LHFPL3: variants seen among roughly 807,000 people sequenced by gnomAD.
The protein encoded by LHFPL3 is LHFPL tetraspan subfamily member 3, also known as LHFPL tetraspan subfamily member 3 protein.
In LHFPL3, 5 loss-of-function variants were observed where a neutral mutation model predicts 19.3. The observed-to-expected ratio is 0.26, with a 90% CI of 0.14 to 0.54. The LOEUF is 0.54. Ranked by LOEUF, LHFPL3 falls within the 20% of genes least tolerant of loss-of-function variation. The pLI, the probability that LHFPL3 is intolerant of heterozygous loss-of-function variation, is 0.94. For missense variants in LHFPL3, 249 were observed against 307.4 expected (o/e 0.81, Z 1.42); for synonymous variants, 133 against 126.2 (o/e 1.05, Z -0.36).
intron 1 of LHFPL3, among the ~76,000 whole-genome samples, chr7:104,524,324 G>C (rs1257087592): frequency 6.6e-6 from 1 of 152,126 alleles, no homozygotes; most frequent in Non-Finnish European, 1.5e-5. Flanking sequence ...GTCAAGGAAG[G>C]CCGGGCAAGG....
At chr7:104,569,630 A>G (rs1790189154) in intron 1 of LHFPL3, among the ~76,000 whole-genome samples, 1 of 152,204 alleles carries the variant, frequency 6.6e-6, no homozygotes, top group Non-Finnish European at 1.5e-5. Flanking sequence ...TCTCTTAATA[A>G]AAACAGTTGT....
At chr7:104,381,952 C>A (rs759762403) in intron 1 of LHFPL3, among the ~76,000 whole-genome samples, 29 of 151,416 alleles carry the variant, frequency 1.9e-4, no homozygotes, top group Middle Eastern at 3.4e-3. Context: ...CCTCATTCAT[C>A]ATTTGAATTA....
chr7:104,643,963 T>G (rs1268065762), intron 1 of LHFPL3, among the ~76,000 whole-genome samples: 1 of 152,208 alleles, frequency 6.6e-6, no homozygotes, highest in Non-Finnish European at 1.5e-5. Context: ...GATAAGCTAA[T>G]GTAGTTCAAA....
intron 1 of LHFPL3, among the ~76,000 whole-genome samples, chr7:104,584,545 C>T (rs1054992438): frequency 2.6e-5 from 4 of 151,950 alleles, no homozygotes; most frequent in African/African-American, 9.7e-5. Flanking sequence ...ATACCATTTC[C>T]TAGAAATTAA....
chr7:104,858,976 C>G (rs1480892971), intron 2 of LHFPL3, among the ~76,000 whole-genome samples: 3 of 150,518 alleles, frequency 2.0e-5, no homozygotes, highest in Non-Finnish European at 4.4e-5. Flanking sequence ...AAAAAAAAAT[C>G]TGTTGACAGG....
At chr7:104,679,948 C>G (rs1792664308) in intron 1 of LHFPL3, among the ~76,000 whole-genome samples, 1 of 152,212 alleles carries the variant, frequency 6.6e-6, no homozygotes, top group African/African-American at 2.4e-5. Context: ...TACATTCTCT[C>G]CCTGAGTGAT....
chr7:104,673,564 T>G (rs576725321), intron 1 of LHFPL3, among the ~76,000 whole-genome samples: 1 of 152,350 alleles, frequency 6.6e-6, no homozygotes, highest in Admixed American at 6.5e-5. Context: ...CTTTCTGATA[T>G]TGTCCAAAAG....
chr7:104,331,810 C>T (rs1006912039), intron 1 of LHFPL3, among the ~76,000 whole-genome samples: 10 of 151,828 alleles, frequency 6.6e-5, no homozygotes, highest in African/African-American at 1.9e-4. Context: ...ATTAGCCAGG[C>T]GTGGTGGTGG....
rs143612643 is a variant in LHFPL3, at chr7:104,382,403, G to A, written c.445+53179G>A. 3.7e-3 allele frequency among the ~76,000 whole-genome samples: 565 copies of A among 152,284 alleles called. 2 individuals are homozygous for A. Among genetic ancestry groups the A allele is most frequent in the Non-Finnish European group, 6.0e-3 (405 of 68,022 alleles). On this transcript the variant is annotated intron_variant, in intron 1 of 2. Transcript: ENST00000424859. ...CTTGGGAGGGTGAGGCAAGAGAATC[G>A]CTTGAACCTGGTAGGTGGAGGTTGC...
chr7:104,769,473 T>C (rs1293128151), intron 2 of LHFPL3, among the ~76,000 whole-genome samples: 3 of 152,166 alleles, frequency 2.0e-5, no homozygotes, highest in African/African-American at 7.2e-5. Flanking sequence ...TTTATTATTA[T>C]TATACTTTAA....
At chr7:104,364,902 C>T (rs1790454472) in intron 1 of LHFPL3, among the ~76,000 whole-genome samples, 1 of 152,076 alleles carries the variant, frequency 6.6e-6, no homozygotes, top group Admixed American at 6.5e-5. Context: ...CTTTTTTAGG[C>T]TGGAAGAGAC....
intron 1 of LHFPL3, among the ~76,000 whole-genome samples, chr7:104,717,944 A>G (rs1296391134): frequency 6.6e-6 from 1 of 152,238 alleles, no homozygotes; most frequent in African/African-American, 2.4e-5. Flanking sequence ...TACAAAATAT[A>G]GTATATACAT....
chr7:104,651,832 G>A (rs1247372974), intron 1 of LHFPL3, among the ~76,000 whole-genome samples: 1 of 152,188 alleles, frequency 6.6e-6, no homozygotes, highest in Non-Finnish European at 1.5e-5. Flanking sequence ...CTAGTAATCT[G>A]TCTGAGCCTC....
At chr7:104,403,680 G>T (rs1462222371) in intron 1 of LHFPL3, among the ~76,000 whole-genome samples, 1 of 151,784 alleles carries the variant, frequency 6.6e-6, no homozygotes, top group Non-Finnish European at 1.5e-5. Context: ...CCAGGATCTG[G>T]CTGGGAATCT....
chr7:104,842,457 C>CA (rs962092208), intron 2 of LHFPL3, among the ~76,000 whole-genome samples: 2 of 152,116 alleles, frequency 1.3e-5, no homozygotes, highest in Non-Finnish European at 2.9e-5. Context: ...GACTAAAACT[C>CA]ACAGTATATG....
intron 1 of LHFPL3, among the ~76,000 whole-genome samples, chr7:104,509,696 C>T (rs986175228): frequency 2.6e-5 from 4 of 152,066 alleles, no homozygotes; most frequent in Admixed American, 1.3e-4. Context: ...TGTCTACTCT[C>T]ACCACCCTTA....
At chr7:104,651,137 TTTA>T (rs1792026661) in intron 1 of LHFPL3, among the ~76,000 whole-genome samples, 1 of 151,914 alleles carries the variant, frequency 6.6e-6, no homozygotes, top group Non-Finnish European at 1.5e-5. Context: ...CTGAGGGAAG[TTTA>T]TCAGATCTTT....
intron 1 of LHFPL3, among the ~76,000 whole-genome samples, chr7:104,595,640 C>G (rs1790835146): frequency 6.6e-6 from 1 of 152,244 alleles, no homozygotes; most frequent in Non-Finnish European, 1.5e-5. Flanking sequence ...TGTCTGCTGC[C>G]TTTTGTTCCG....
intron 2 of LHFPL3, chr7:104,752,777 G>A (rs964939323): frequency 2.3e-5 from 9 of 395,824 alleles, no homozygotes; most frequent in African/African-American, 1.0e-4. Context: ...GACCACGCTC[G>A]AGTGTACCTT....
Sources: allele counts gnomAD v4.1 joint callset (sites outside exome capture counted in the v4.1 genomes callset), GRCh38; gene constraint gnomAD v4.1.1; transcripts MANE v1.5; gene names NCBI Gene and HGNC (gene_info 2026-07-23, HGNC 2026-07-21).